Variants in STK39 observed in about 807,000 individuals in gnomAD.
The protein encoded by STK39 is STE20/SPS1-related proline-alanine-rich protein kinase.
STK39 carries 20 observed loss-of-function variants against 77.8 expected under a neutral mutation model. That is an observed-to-expected ratio of 0.26 (90% confidence interval 0.18 to 0.37). The LOEUF is 0.37. STK39 is among the 10% of genes least tolerant of loss of function. The pLI, the probability that STK39 is intolerant of heterozygous loss-of-function variation, is 1.00. For synonymous variants in STK39, 246 were observed against 234.1 expected, an observed-to-expected ratio of 1.05 and a Z score of -0.47; for missense variants, 479 against 656.5, an observed-to-expected ratio of 0.73 and a Z score of 2.95.
intron 16 of STK39, among the ~76,000 whole-genome samples, chr2:167,996,534 A>C (rs570656842): frequency 6.6e-6 from 1 of 152,324 alleles, no homozygotes; most frequent in Non-Finnish European, 1.5e-5. Context: ...CCCGCCCCCC[A>C]GGCATCACGG....
intron 10 of STK39, among the ~76,000 whole-genome samples, chr2:168,127,433 G>C (rs1313696581): frequency 3.3e-5 from 5 of 152,286 alleles, no homozygotes; most frequent in African/African-American, 1.2e-4. Flanking sequence ...ACAGGTGTGA[G>C]CCACCACACC....
At chr2:167,967,188 C>G (rs1363831801) in intron 16 of STK39, among the ~76,000 whole-genome samples, 1 of 152,210 alleles carries the variant, frequency 6.6e-6, no homozygotes, top group Non-Finnish European at 1.5e-5. Context: ...TAGCCACTGA[C>G]TCATTTCAAA....
chr2:168,137,348 G>T (rs931170622), intron 8 of STK39, among the ~76,000 whole-genome samples: 6 of 151,992 alleles, frequency 3.9e-5, no homozygotes, highest in Non-Finnish European at 7.4e-5. Context: ...AACCCACAAA[G>T]GGACCTTACC....
In STK39 at chr2:168,243,289, C is replaced by G. The variant is rs192187353; in HGVS notation, c.208+3939G>C. 2.4e-3 allele frequency among the ~76,000 whole-genome samples: 370 copies of G among 152,254 alleles called. 2 individuals are homozygous for G. Among genetic ancestry groups the G allele is most frequent in the African/African-American group, 8.2e-3 (339 of 41,544 alleles). ...CAGGGCTATTTACAATCTCATTTTA[C>G]AAGAGGCTGTTGCTCCTTAAAGACC... On this transcript the variant is annotated intron_variant, in intron 1 of 17. Coordinates refer to ENST00000355999, the MANE Select transcript of STK39 (RefSeq NM_013233.3).
At chr2:168,182,121 C>G (rs1341033743) in intron 1 of STK39, 31 bp from the exon 2 acceptor site, 1 of 1,566,016 alleles carries the variant, frequency 6.4e-7, no homozygotes, top group African/African-American at 1.4e-5. Flanking sequence ...CATCAGCGAT[C>G]AAATGGCACA....
At chr2:168,065,772 C>T (rs1285973272) in intron 12 of STK39, among the ~76,000 whole-genome samples, 3 of 152,148 alleles carry the variant, frequency 2.0e-5, no homozygotes, top group Admixed American at 1.3e-4. Flanking sequence ...CTAAGGTTAA[C>T]GGACCCTCAA....
At chr2:168,144,641 A>ACT (rs56406652) in intron 5 of STK39, among the ~76,000 whole-genome samples, 2,426 of 149,176 alleles carry the variant, frequency 0.016, 19 homozygotes, top group Middle Eastern at 0.024. Flanking sequence ...TATAAGACTC[A>ACT]TTTTTTTTTT....
At chr2:168,184,888 G>C (rs1689170560) in intron 1 of STK39, among the ~76,000 whole-genome samples, 1 of 152,216 alleles carries the variant, frequency 6.6e-6, no homozygotes, top group Non-Finnish European at 1.5e-5. Flanking sequence ...CCCAGGATTA[G>C]AGTAAATCCA....
chr2:168,121,944 C>T (rs1232470354), intron 10 of STK39, among the ~76,000 whole-genome samples: 1 of 152,200 alleles, frequency 6.6e-6, no homozygotes, highest in African/African-American at 2.4e-5. Context: ...CTTGCTGTTT[C>T]CAGACCAGGC....
At chr2:168,018,913 C>CT (rs1684501629) in intron 14 of STK39, among the ~76,000 whole-genome samples, 1 of 152,130 alleles carries the variant, frequency 6.6e-6, no homozygotes, top group Non-Finnish European at 1.5e-5. Context: ...AAAGAATGCC[C>CT]TTTTCCTCAG....
chr2:168,171,479 GA>G (rs11333975), intron 2 of STK39, among the ~76,000 whole-genome samples: 14,387 of 108,576 alleles, frequency 0.13, 1,439 homozygotes, highest in East Asian at 0.44. Flanking sequence ...TAAAAAAAGG[GA>G]AAAAAAAACT....
At chr2:168,123,427 T>A (rs1043048206) in intron 10 of STK39, among the ~76,000 whole-genome samples, 1 of 152,212 alleles carries the variant, frequency 6.6e-6, no homozygotes, top group Non-Finnish European at 1.5e-5. Flanking sequence ...TTAGGAAATA[T>A]ACAGTGAAGT....
At chr2:168,126,984 G>A (rs1053314645) in intron 10 of STK39, among the ~76,000 whole-genome samples, 22 of 152,142 alleles carry the variant, frequency 1.4e-4, no homozygotes, top group African/African-American at 4.8e-4. Flanking sequence ...GATGGATGAT[G>A]GAACAAGACC....
At chr2:168,002,740 T>C (rs1426876249) in intron 16 of STK39, among the ~76,000 whole-genome samples, 1 of 152,200 alleles carries the variant, frequency 6.6e-6, no homozygotes, top group African/African-American at 2.4e-5. Flanking sequence ...CTTAAATAAA[T>C]TGTTCTTAAA....
chr2:168,158,239 C>T (rs553817298), intron 5 of STK39, among the ~76,000 whole-genome samples: 131 of 152,316 alleles, frequency 8.6e-4, no homozygotes, highest in African/African-American at 3.0e-3. Context: ...GACCTCTAAG[C>T]ATAGAAGGTA....
intron 16 of STK39, among the ~76,000 whole-genome samples, chr2:167,976,775 C>A (rs1448934753): frequency 2.6e-5 from 4 of 152,182 alleles, no homozygotes; most frequent in African/African-American, 9.7e-5. Context: ...TTCCTCCAAA[C>A]TGTCTTTGAA....
chr2:167,987,626 G>A (rs1683594299), intron 16 of STK39, among the ~76,000 whole-genome samples: 1 of 152,114 alleles, frequency 6.6e-6, no homozygotes, highest in Non-Finnish European at 1.5e-5. Flanking sequence ...GGAAACCCCA[G>A]CTGGCAAAAT....
At chr2:168,144,269 C>A (rs927665245) in intron 5 of STK39, among the ~76,000 whole-genome samples, 1 of 152,004 alleles carries the variant, frequency 6.6e-6, no homozygotes, top group East Asian at 1.9e-4. Flanking sequence ...ACTTTCTGGG[C>A]CTTATTGGGC....
At chr2:168,218,628 A>G (rs1690084345) in intron 1 of STK39, among the ~76,000 whole-genome samples, 1 of 152,240 alleles carries the variant, frequency 6.6e-6, no homozygotes, top group Admixed American at 6.5e-5. Context: ...GACAAAATCG[A>G]AACAGTGTCA....
Sources: allele counts gnomAD v4.1 joint callset (sites outside exome capture counted in the v4.1 genomes callset), GRCh38; gene constraint gnomAD v4.1.1; transcripts MANE v1.5; gene names NCBI Gene and HGNC (gene_info 2026-07-23, HGNC 2026-07-21).